Variants in AGO2 observed in about 807,000 individuals in gnomAD.
AGO2 encodes the protein argonaute RISC catalytic component 2.
AGO2 carries 5 observed loss-of-function variants against 102.3 expected under a neutral mutation model. That is an observed-to-expected ratio of 0.05 (90% CI 0.03 to 0.10). AGO2 has a LOEUF of 0.10. AGO2 is among the 10% of genes least tolerant of loss of function. The pLI, the probability that AGO2 is intolerant of heterozygous loss-of-function variation, is 1.00. For synonymous variants in AGO2, 449 were observed against 473.1 expected, an observed-to-expected ratio of 0.95 and a Z score of 0.66; for missense variants, 541 against 1,183.7, an observed-to-expected ratio of 0.46 and a Z score of 7.97.
chr8:140,618,494 G>A (rs1202386453), intron 1 of AGO2, among the ~76,000 whole-genome samples: 1 of 150,446 alleles, frequency 6.6e-6, no homozygotes, highest in Non-Finnish European at 1.5e-5. Context: ...AAAAAACCCA[G>A]AACTATTGTA....
chr8:140,562,408 G>A (rs779240459), intron 4 of AGO2, 45 bp downstream of exon 4: 1 of 1,574,728 alleles, frequency 6.4e-7, no homozygotes, highest in South Asian at 1.1e-5. Context: ...GGCCCTCGGA[G>A]CTGCAGGGGA....
intron 1 of AGO2, among the ~76,000 whole-genome samples, chr8:140,603,124 C>T (rs1217118432): frequency 1.3e-5 from 2 of 152,200 alleles, no homozygotes; most frequent in Admixed American, 6.5e-5. Context: ...TGGTGGGAGC[C>T]TCGGATGGTG....
intron 1 of AGO2, among the ~76,000 whole-genome samples, chr8:140,597,466 G>GCCCCCCCCCCCCCCCCCCCCC (rs201167667): frequency 6.2e-5 from 3 of 48,438 alleles, no homozygotes; most frequent in African/African-American, 1.7e-4. Flanking sequence ...GGGCTGGGTG[G>GCCCCCCCCCCCCCCCCCCCCC]CCCCCCCACC....
chr8:140,561,399 T>C (rs2977488), intron 4 of AGO2, among the ~76,000 whole-genome samples: 7,709 of 152,296 alleles, frequency 0.051, 246 homozygotes, highest in Non-Finnish European at 0.072. Flanking sequence ...AGCAGTTTCC[T>C]CCCTGATTAT....
chr8:140,573,984 A>G (rs1311208345), intron 2 of AGO2, among the ~76,000 whole-genome samples: 1 of 152,144 alleles, frequency 6.6e-6, no homozygotes, highest in African/African-American at 2.4e-5. Flanking sequence ...CCACTTGCAG[A>G]GCCATGGTAT....
At chr8:140,632,172 G>C (rs907037789) in intron 1 of AGO2, among the ~76,000 whole-genome samples, 1 of 152,248 alleles carries the variant, frequency 6.6e-6, no homozygotes, top group Admixed American at 6.5e-5. Flanking sequence ...TCTTCAAATT[G>C]CACAGGGTTT....
intron 13 of AGO2, 152 bp downstream of exon 13, chr8:140,547,316 A>G (rs993636962): frequency 6.3e-5 from 62 of 985,104 alleles, no homozygotes; most frequent in Admixed American, 1.8e-4. Context: ...AGCCAGATCT[A>G]TGTCTGACAT....
intron 8 of AGO2, 70 bp from the exon 9 acceptor site, chr8:140,556,356 C>G: frequency 6.3e-7 from 1 of 1,586,720 alleles, no homozygotes; most frequent in African/African-American, 1.3e-5. Flanking sequence ...GCAGGGGGCT[C>G]AGGGGCTGGT....
At chr8:140,591,453 A>G (rs986382182) in intron 1 of AGO2, among the ~76,000 whole-genome samples, 2 of 152,120 alleles carry the variant, frequency 1.3e-5, no homozygotes, top group African/African-American at 4.8e-5. Context: ...TCCCTAAACC[A>G]CTTGCTCCCC....
chr8:140,533,810 A>T (rs2072644827), intron 17 of AGO2, among the ~76,000 whole-genome samples: 1 of 152,146 alleles, frequency 6.6e-6, no homozygotes, highest in African/African-American at 2.4e-5. Flanking sequence ...CCGTCTAAAA[A>T]AAAAAAACAA....
At chr8:140,581,815 A>G (rs2073562013) in intron 2 of AGO2, among the ~76,000 whole-genome samples, 1 of 152,232 alleles carries the variant, frequency 6.6e-6, no homozygotes, top group Non-Finnish European at 1.5e-5. Flanking sequence ...GGACATGTTG[A>G]GTGAATCCAA....
At position 140,539,309 on chromosome 8, in the gene AGO2, C is replaced by A; in HGVS notation, c.2169+11G>T. The A allele has an allele frequency of 6.3e-7, 1 of 1,595,566 alleles. No individual in the cohort carries two copies. The highest frequency in any genetic ancestry group is 8.6e-7 in the Non-Finnish European group (1 of 1,168,694). ...ACCGTGCCCCCTGCCTGGAGTCATG[C>A]AGAAACTCACCCGCTCGTTCTTGTC... On this transcript the variant is annotated intron_variant, in intron 16 of 18. Transcript: ENST00000220592. The surrounding 1 kb of genome is among the most constrained non-coding windows in gnomAD (Gnocchi z 4.7).
At chr8:140,541,450 A>G in intron 14 of AGO2, 92 bp from the exon 15 acceptor site, 1 of 1,211,068 alleles carries the variant, frequency 8.3e-7, no homozygotes, top group Non-Finnish European at 1.1e-6. Context: ...GGGGACGAGA[A>G]GTGTCCCCAC....
chr8:140,613,078 T>C (rs1168458068), intron 1 of AGO2, among the ~76,000 whole-genome samples: 2 of 151,840 alleles, frequency 1.3e-5, no homozygotes, highest in Non-Finnish European at 2.9e-5. Context: ...CAGACGCCCG[T>C]AGTCCCAGCT....
Position 140,557,300 on chromosome 8 carries a change from T to A in AGO2, c.879-64A>T, listed in dbSNP as rs953614401. ...GGAGCCCCTTCCCCTGCGCTGCTTT[T>A]CATTTGCGTTTGCTTTTTAGGGTGA... is the stretch of plus-strand genomic sequence containing the variant. On this transcript the variant is annotated intron_variant, in intron 7 of 18. Coordinates refer to ENST00000220592, the MANE Select transcript of AGO2 (RefSeq NM_012154.5). The surrounding 1 kb of genome is among the most constrained non-coding windows in gnomAD (Gnocchi z 5.9). 4.2e-5 allele frequency: 64 copies of A among 1,522,728 alleles called. No homozygotes were observed. The highest frequency in any genetic ancestry group is 5.5e-5 in the Non-Finnish European group (63 of 1,135,300). 94.3% of individuals were successfully genotyped at this position (1,522,728 alleles called of 1,614,324 possible). A position where few individuals can be genotyped will look rare whatever the true frequency, so the allele number is the denominator to read the frequency against.
chr8:140,607,667 G>A (rs1009162782), intron 1 of AGO2, among the ~76,000 whole-genome samples: 3 of 151,888 alleles, frequency 2.0e-5, no homozygotes, highest in Non-Finnish European at 2.9e-5. Context: ...GCATTGTTAG[G>A]CGAAAGAAGC....
At position 140,634,994 on chromosome 8, in the gene AGO2, GCCGGGCGCCCCGACCCGGCCTCCA is replaced by G. The variant is rs2074387529; in HGVS notation, c.22+467_22+490del. ...CCCCTCCCGCCCGTGCGCGCCCCGA[GCCGGGCGCCCCGACCCGGCCTCCA>G]CCCGCTCAGGCGCTCAGGGTCAGGC... is the stretch of plus-strand genomic sequence containing the variant. On this transcript the variant is annotated intron_variant, in intron 1 of 18. Transcript: ENST00000220592. 2.0e-5 allele frequency among the ~76,000 whole-genome samples: 3 copies of G among 151,534 alleles called. No individual in the cohort carries two copies. In the South Asian group the frequency reaches 6.2e-4, roughly 31 times the overall value.
chr8:140,547,671 C>T, intron 12 of AGO2, 44 bp from the exon 13 acceptor site: 1 of 1,573,720 alleles, frequency 6.4e-7, no homozygotes, highest in Non-Finnish European at 8.6e-7. Context: ...GGCGCCCCTT[C>T]CTCAGCTGGC....
intron 1 of AGO2, among the ~76,000 whole-genome samples, chr8:140,611,376 G>A (rs2074076893): frequency 6.6e-6 from 1 of 151,228 alleles, no homozygotes; most frequent in East Asian, 1.9e-4. Context: ...TGCCCAGGCT[G>A]GAGTACAGTG....
Sources: allele counts gnomAD v4.1 joint callset (sites outside exome capture counted in the v4.1 genomes callset), GRCh38; gene constraint gnomAD v4.1.1; non-coding constraint Gnocchi (gnomAD v3.1); transcripts MANE v1.5; gene names NCBI Gene and HGNC (gene_info 2026-07-23, HGNC 2026-07-21).